Variants in SPG7 observed in about 807,000 individuals in gnomAD.
The protein encoded by SPG7 is SPG7 matrix AAA peptidase subunit, paraplegin.
SPG7 carries 103 observed loss-of-function variants against 81.9 expected under a neutral mutation model. The ratio of observed to expected loss-of-function variants is 1.26; its 90% CI spans 1.07 to 1.48. The LOEUF is 1.48. Ranked by LOEUF, SPG7 falls within the 40% of genes most tolerant of loss-of-function variation. SPG7 has a pLI of 0.00. For missense variants in SPG7, 1,241 were observed against 1,087.3 expected (o/e 1.14, Z -1.99); for synonymous variants, 534 against 444.2 (o/e 1.20, Z -2.54).
At chr16:89,517,852 G>A (rs1006069946) in intron 3 of SPG7, 36 of 152,116 alleles carry the variant, frequency 2.4e-4, no homozygotes, top group African/African-American at 7.7e-4. Context: ...ATCTCCTGAC[G>A]TTGTGGTCTG....
chr16:89,513,526 AAAATTT>A (rs1310301042), intron 3 of SPG7, among the ~76,000 whole-genome samples: 17 of 152,186 alleles, frequency 1.1e-4, no homozygotes, highest in South Asian at 4.1e-4. Flanking sequence ...CAAAAAAAAA[AAAATTT>A]AAATTTAAAT....
intron 6 of SPG7, 68 bp from the exon 7 acceptor site, chr16:89,530,615 A>T: frequency 1.2e-6 from 2 of 1,605,812 alleles, no homozygotes; most frequent in Non-Finnish European, 1.7e-6. Flanking sequence ...GCGTGGGCTG[A>T]GCGCTGGCAT....
intron 9 of SPG7, chr16:89,544,363 G>T: frequency 7.3e-6 from 3 of 412,190 alleles, no homozygotes; most frequent in Non-Finnish European, 4.6e-6. Context: ...AGATGGCACC[G>T]TGAGGCAGGG....
At chr16:89,552,779 C>T in intron 13 of SPG7, 200 bp from the exon 14 acceptor site, 2 of 622,614 alleles carry the variant, frequency 3.2e-6, no homozygotes, top group Admixed American at 2.3e-5. Context: ...AGTGTGTGAA[C>T]AGGCACCTGT....
chr16:89,532,128 T>A, intron 8 of SPG7, 62 bp downstream of exon 8: 1 of 1,533,628 alleles, frequency 6.5e-7, no homozygotes, highest in Non-Finnish European at 9.0e-7. Context: ...CTTTCACACA[T>A]CCTTCCTCTG....
chr16:89,515,906 A>G (rs916758960), intron 3 of SPG7, among the ~76,000 whole-genome samples: 2 of 151,194 alleles, frequency 1.3e-5, no homozygotes, highest in South Asian at 4.2e-4. Flanking sequence ...ACAGGGTTTC[A>G]CCATGTTGGC....
intron 16 of SPG7, chr16:89,556,516 C>G: frequency 3.0e-6 from 1 of 334,630 alleles, no homozygotes; most frequent in South Asian, 3.1e-5. Flanking sequence ...GCTCACACAA[C>G]TTCGCCTCAG....
intron 9 of SPG7, chr16:89,542,914 CTTACATTAGTCATGGTAGATCCTGTTCTT>C (rs2058513390): frequency 6.8e-6 from 1 of 146,250 alleles, no homozygotes. Context: ...AGATCCTGCT[CTTACATTAGTCATGGTAGATCCTGTTCTT>C]TTTTTTTTTT....
chr16:89,518,261 A>T (rs2058129348), intron 3 of SPG7: 1 of 152,248 alleles, frequency 6.6e-6, no homozygotes, highest in African/African-American at 2.4e-5. Context: ...TGTGGCTTAG[A>T]AACAGCTTTG....
rs558738544 is a variant in SPG7, at chr16:89,541,344, A to C, written c.1325-3304A>C. ...TCCTGCAGCAACAAGGAAATGACGC[A>C]AAGTGAGAAGAGCCAGGCTTAGTAT... On this transcript the variant is annotated intron_variant, in intron 9 of 16. Coordinates refer to ENST00000645818, the MANE Select transcript of SPG7 (RefSeq NM_003119.4). The C allele has an allele frequency of 7.1e-6, 7 of 982,542 alleles. No homozygotes were observed. In the African/African-American group the frequency reaches 8.7e-5, roughly 12 times the overall value. 60.9% of individuals were successfully genotyped at this position (982,542 alleles called of 1,614,324 possible).
At chr16:89,538,966 G>A (rs1245594056) in intron 9 of SPG7, 1 of 152,236 alleles carries the variant, frequency 6.6e-6, no homozygotes, top group Non-Finnish European at 1.5e-5. Context: ...GAACACTGAG[G>A]ATACTGTGGG....
chr16:89,550,170 ATTC>A (rs2058617833), intron 12 of SPG7: 4 of 359,220 alleles, frequency 1.1e-5, no homozygotes, highest in Non-Finnish European at 2.2e-5. Context: ...CCCCCCCGTC[ATTC>A]TTTTTTGTTT....
chr16:89,557,103 G>C lies in SPG7; in HGVS notation c.*10G>C. 6.2e-7 allele frequency: 1 copy of C among 1,609,134 alleles called. No individual in the cohort carries two copies. The highest frequency in any genetic ancestry group is 2.2e-4 in the Middle Eastern group (1 of 4,476). The stretch of plus-strand genomic sequence containing the variant: ...GACTTGGCCCAAGTAGTTGGGAGGT[G>C]TTGGCTGCACGTGCGGGTGGTCCGG... On this transcript the variant is annotated 3_prime_UTR_variant, in exon 17 of 17. Coordinates refer to ENST00000645818, the MANE Select transcript of SPG7 (RefSeq NM_003119.4).
At chr16:89,517,238 G>A (rs1434023908) in intron 3 of SPG7, 1 of 152,244 alleles carries the variant, frequency 6.6e-6, no homozygotes, top group Non-Finnish European at 1.5e-5. Flanking sequence ...TAATAACTCT[G>A]ATTCCTGGAA....
Sources: allele counts gnomAD v4.1 joint callset (sites outside exome capture counted in the v4.1 genomes callset), GRCh38; gene constraint gnomAD v4.1.1; transcripts MANE v1.5; gene names NCBI Gene and HGNC (gene_info 2026-07-23, HGNC 2026-07-21).